The following ITPR3 variants were observed in gnomAD, a reference collection of about 807,000 sequenced individuals.
ITPR3 encodes the protein inositol 1,4,5-trisphosphate receptor type 3, also known as inositol 1,4,5-trisphosphate-gated calcium channel ITPR3.
ITPR3 carries 173 observed loss-of-function variants against 293.2 expected under a neutral mutation model. That is an observed-to-expected ratio of 0.59 (90% CI 0.52 to 0.67). The LOEUF is 0.67. Among genes scored for constraint, ITPR3 ranks in the 30% least tolerant of loss-of-function variants. The pLI is 0.00. For missense variants in ITPR3, 2,796 were observed against 3,592.1 expected (o/e 0.78, Z 5.66); for synonymous variants, 1,295 against 1,444.4 (o/e 0.90, Z 2.35).
chr6:33,684,990 C>T lies in ITPR3; in HGVS notation c.5307+47C>T. The T allele has an allele frequency of 1.3e-6, 2 of 1,561,594 alleles. No homozygotes were observed. The highest frequency in any genetic ancestry group is 2.4e-5 in the South Asian group (2 of 82,768). On this transcript the variant is annotated intron_variant, in intron 39 of 57. Transcript: ENST00000605930. The surrounding 1 kb of genome is among the most constrained non-coding windows in gnomAD (Gnocchi z 4.2). Reference sequence around the variant, plus strand: ...GACATGCCCTCCTTTGCCTCCCTCCCTTTTTGGAGGAGGTGGGCCTTGAGT... The same window carrying T: ...GACATGCCCTCCTTTGCCTCCCTCCTTTTTTGGAGGAGGTGGGCCTTGAGT...
chr6:33,682,593 C>T lies in ITPR3; in HGVS notation c.4546C>T (p.Gln1516Ter). 1.3e-6 allele frequency: 2 copies of T among 1,596,420 alleles called. No homozygotes were observed. Among genetic ancestry groups the T allele is most frequent in the East Asian group, 2.3e-5 (1 of 42,868 alleles). ...TRLLECPWLQ[Q>*]QHKGSVEACI... ...CCTCCTCGAGTGTCCGTGGCTACAG[C>T]AGCAGCACAAGGGCTCCGTGGAGGC... is the stretch of plus-strand genomic sequence containing the variant. The change falls in exon 34 of 58, where the codon CAG (glutamine) becomes TAG (stop). Residue 1516 changes from glutamine to a stop codon, truncating the protein, a stop_gained. Transcript: ENST00000605930. LOFTEE classifies it high-confidence loss of function. This position sits in a 1 kb window ranked among gnomAD's most constrained non-coding sequence, Gnocchi z 5.4.
intron 33 of ITPR3, among the ~76,000 whole-genome samples, chr6:33,681,216 T>C (rs1403647848): frequency 1.3e-5 from 2 of 152,226 alleles, no homozygotes; most frequent in Non-Finnish European, 2.9e-5. Context: ...TGGGCCAGAA[T>C]GACGGTGGGA....
At position 33,679,214 on chromosome 6, in the gene ITPR3, G is replaced by T. The variant is rs762403178; in HGVS notation, c.3972+375G>T. ...TCAGCTGAGTGTCAGCTCCTGGGGG[G>T]CACGGGCAGGGACCCCATCCTTTGT... On this transcript the variant is annotated intron_variant, in intron 30 of 57. Transcript: ENST00000605930. The surrounding 1 kb of genome is among the most constrained non-coding windows in gnomAD (Gnocchi z 4.2). 1.3e-5 allele frequency among the ~76,000 whole-genome samples: 2 copies of T among 152,202 alleles called. No individual in the cohort carries two copies. The highest frequency in any genetic ancestry group is 6.5e-5 in the Admixed American group (1 of 15,276).
chr6:33,647,904 C>T (rs746796747), intron 2 of ITPR3, among the ~76,000 whole-genome samples: 3 of 152,024 alleles, frequency 2.0e-5, no homozygotes, highest in Admixed American at 6.6e-5. Flanking sequence ...AGGCAGAGGG[C>T]GGGAGCTCGG....
At position 33,682,402 on chromosome 6, in the gene ITPR3, G is replaced by C. The variant is rs1341994346; in HGVS notation, c.4477-122G>C. On this transcript the variant is annotated intron_variant, in intron 33 of 57. Transcript: ENST00000605930. The surrounding 1 kb of genome is among the most constrained non-coding windows in gnomAD (Gnocchi z 5.4). Reference sequence around the variant, plus strand: ...TTTCCAACTGGCACAGAGGCACATGGTGGCTAGTGAAGGCTCCGTCTCTCC... The same window carrying C: ...TTTCCAACTGGCACAGAGGCACATGCTGGCTAGTGAAGGCTCCGTCTCTCC... The C allele has an allele frequency of 8.6e-7, 1 of 1,158,168 alleles. No individual in the cohort carries two copies. The highest frequency in any genetic ancestry group is 1.2e-6 in the Non-Finnish European group (1 of 845,150). 71.7% of individuals were successfully genotyped at this position (1,158,168 alleles called of 1,614,324 possible). A position where few individuals can be genotyped will look rare whatever the true frequency, so the allele number is the denominator to read the frequency against.
chr6:33,630,325 G>A (rs1763645769), intron 1 of ITPR3, among the ~76,000 whole-genome samples: 1 of 152,188 alleles, frequency 6.6e-6, no homozygotes, highest in Non-Finnish European at 1.5e-5. Context: ...TTGGAGCCAG[G>A]GCGAGTTGGC....
rs779021499 is a variant in ITPR3, at chr6:33,688,438, A to T, written c.6568+7A>T. On this transcript the variant is annotated splice_region_variant and intron_variant, in intron 48 of 57. Transcript: ENST00000605930. ...TGGCAGCGCAAGCTCCGCAGTGAGG[A>T]CCCACGGGCGGGAGGGTGGGGCGGT... The T allele has an allele frequency of 5.6e-6, 1 of 177,996 alleles. No homozygotes were observed. Among genetic ancestry groups the T allele is most frequent in the South Asian group, 4.9e-5 (1 of 20,544 alleles). 11.0% of individuals were successfully genotyped at this position (177,996 alleles called of 1,614,324 possible).
chr6:33,639,431 G>A (rs1445265531), intron 1 of ITPR3, among the ~76,000 whole-genome samples: 1 of 151,656 alleles, frequency 6.6e-6, no homozygotes, highest in African/African-American at 2.4e-5. Context: ...AGGGAGAGGA[G>A]GTACAGAAGG....
chr6:33,677,001 C>T lies in ITPR3; in HGVS notation c.3448-14C>T. 5 of 1,614,158 alleles carry T rather than the reference C, an allele frequency of 3.1e-6. No individual in the cohort carries two copies. The highest frequency in any genetic ancestry group is 4.2e-6 in the Non-Finnish European group (5 of 1,179,984). On this transcript the variant is annotated splice_polypyrimidine_tract_variant and intron_variant, in intron 26 of 57. Transcript: ENST00000605930. ...GCTGGGCCTGGCTGATCTCCTTCCT[C>T]TCTCTGCTTTCAGCGTCCCACGGAC...
In ITPR3 at chr6:33,638,834, G is replaced by C. The variant is rs1318195125; in HGVS notation, c.90-1650G>C. Among the ~76,000 whole-genome samples the C allele has an allele frequency of 6.6e-6, 1 of 152,212 alleles. No homozygotes were observed. Among genetic ancestry groups the C allele is most frequent in the Non-Finnish European group, 1.5e-5 (1 of 68,044 alleles). On this transcript the variant is annotated intron_variant, in intron 1 of 57. Transcript: ENST00000605930. This position sits in a 1 kb window ranked among gnomAD's most constrained non-coding sequence, Gnocchi z 4.3. The stretch of plus-strand genomic sequence containing the variant: ...ACCAGGTGCCGGAACATGAAGGAGG[G>C]AGGCCCACAGGGGCTGGCCAAGGAA...
chr6:33,695,632 T>C (rs775479730), intron 57 of ITPR3, 80 bp from the exon 58 acceptor site: 1 of 1,402,108 alleles, frequency 7.1e-7, no homozygotes, highest in South Asian at 1.2e-5. Context: ...GGAAGACGGG[T>C]GCCAAGCTCT....
chr6:33,633,568 C>G lies in ITPR3; in HGVS notation c.90-6916C>G, dbSNP rs944295241. ...AGACGAGCGGGGGAGAGCAGGAAAG[C>G]GCGGGCGCAGCGGCACATCACCCGC... On this transcript the variant is annotated intron_variant, in intron 1 of 57. Transcript: ENST00000605930. This position sits in a 1 kb window ranked among gnomAD's most constrained non-coding sequence, Gnocchi z 5.2. Among the ~76,000 whole-genome samples, 16 of 151,976 alleles carry G rather than the reference C, an allele frequency of 1.1e-4. No individual in the cohort carries two copies. Among genetic ancestry groups the G allele is most frequent in the African/African-American group, 3.6e-4 (15 of 41,532 alleles).
rs1764999657 is a variant in ITPR3 at position 33,679,202 on chromosome 6, A to G, written c.3972+363A>G. On this transcript the variant is annotated intron_variant, in intron 30 of 57. Coordinates refer to ENST00000605930, the MANE Select transcript of ITPR3 (RefSeq NM_002224.4). The surrounding 1 kb of genome is among the most constrained non-coding windows in gnomAD (Gnocchi z 4.2). ...GCATGGGGGACATCAGCTGAGTGTC[A>G]GCTCCTGGGGGGCACGGGCAGGGAC... is the stretch of plus-strand genomic sequence containing the variant. Among the ~76,000 whole-genome samples, 1 of 152,184 alleles carries G rather than the reference A, an allele frequency of 6.6e-6. No individual in the cohort carries two copies. Among genetic ancestry groups the G allele is most frequent in the African/African-American group, 2.4e-5 (1 of 41,448 alleles).
At position 33,695,712 on chromosome 6, in the gene ITPR3, A is replaced by G. The variant is rs1765527025; in HGVS notation, c.7948A>G (p.Met2650Val). The change falls in exon 58 of 58, where the codon ATG (methionine) becomes GTG (valine). Residue 2650 changes from methionine to valine, a missense_variant and splice_region_variant. Physicochemically the swap from Met to Val is conservative, Grantham distance 21 (BLOSUM62 1). Transcript: ENST00000605930. ...TAQLNELKEQ[M>V]TEQRKRRQRL... ...CCTGTTGGCATCTGCTTAACCCTAG[A>G]TGACGGAGCAGCGGAAACGCAGGCA... 5 of 1,614,104 alleles carry G rather than the reference A, an allele frequency of 3.1e-6. No homozygotes were observed. Among genetic ancestry groups the G allele is most frequent in the Non-Finnish European group, 4.2e-6 (5 of 1,180,000 alleles).
intron 2 of ITPR3, among the ~76,000 whole-genome samples, chr6:33,650,603 A>G (rs549625767): frequency 6.6e-6 from 1 of 152,238 alleles, no homozygotes; most frequent in South Asian, 2.1e-4. Flanking sequence ...GAATGCATCC[A>G]CCCTATAAGG....
chr6:33,663,744 C>T lies in ITPR3; in HGVS notation c.1012C>T (p.Gln338Ter). The change falls in exon 11 of 58, where the codon CAG becomes TAG. Residue 338 changes from glutamine (Q) to a stop codon, truncating the protein, a stop_gained. Transcript: ENST00000605930. LOFTEE classifies it high-confidence loss of function. ...ATTTGGGGTCCTCATCCAGGGGGCACAGGGCCGCACAGGCCGCAGGAATGC... is the reference window on the plus strand; with the variant it reads ...ATTTGGGGTCCTCATCCAGGGGGCATAGGGCCGCACAGGCCGCAGGAATGC... ...SDPKAAGMGA[Q>*]GRTGRRNAGE... The T allele has an allele frequency of 6.2e-7, 1 of 1,613,884 alleles. No individual in the cohort carries two copies.
rs370524230 is a variant in ITPR3, at chr6:33,687,232, G to A, written c.6082G>A (p.Val2028Ile). The change falls in exon 45 of 58, where the codon GTC (valine) becomes ATC (isoleucine). Residue 2028 changes from valine (V) to isoleucine (I), a missense_variant. Coordinates refer to ENST00000605930, the MANE Select transcript of ITPR3 (RefSeq NM_002224.4). This position sits in a 1 kb window ranked among gnomAD's most constrained non-coding sequence, Gnocchi z 5.3. ...ACAGGCACTGCCCCTCCAGGTGGAC[G>A]TCATCAAGAAGGCCTACCTGCAGGA... ...ISLRPQELVDVIKKAYLQEEE... is the reference protein window; with the variant it reads ...ISLRPQELVDIIKKAYLQEEE... The A allele has an allele frequency of 4.4e-5, 71 of 1,612,256 alleles. No homozygotes were observed. Among genetic ancestry groups the A allele is most frequent in the East Asian group, 2.2e-5 (1 of 44,882 alleles).
In ITPR3 at chr6:33,682,173, C is replaced by T. The variant is rs1287223469; in HGVS notation, c.4477-351C>T. Among the ~76,000 whole-genome samples the T allele has an allele frequency of 2.0e-5, 3 of 152,332 alleles. No individual in the cohort carries two copies. Among genetic ancestry groups the T allele is most frequent in the East Asian group, 1.9e-4 (1 of 5,192 alleles). ...CTGACATTACACGTGTGAGCCACTG[C>T]GCCCAGCCTCAAAGTGTTATCTTTT... On this transcript the variant is annotated intron_variant, in intron 33 of 57. Transcript: ENST00000605930. The surrounding 1 kb of genome is among the most constrained non-coding windows in gnomAD (Gnocchi z 5.4).
At chr6:33,657,872 A>G (rs1764351255) in intron 3 of ITPR3, 60 bp from the exon 4 acceptor site, 3 of 1,412,332 alleles carry the variant, frequency 2.1e-6, no homozygotes, top group Admixed American at 1.8e-5. Context: ...GGGCTGGGGT[A>G]TGTCTTCCTC....
Sources: allele counts gnomAD v4.1 joint callset (sites outside exome capture counted in the v4.1 genomes callset), GRCh38; gene constraint gnomAD v4.1.1; non-coding constraint Gnocchi (gnomAD v3.1); transcripts MANE v1.5; gene names NCBI Gene and HGNC (gene_info 2026-07-23, HGNC 2026-07-21).